Variants in HYAL4 observed in about 807,000 individuals in gnomAD.
The protein encoded by HYAL4 is hyaluronidase 4, also known as hyaluronidase-4.
In HYAL4, 37 loss-of-function variants were observed where a neutral mutation model predicts 35.2. That is an observed-to-expected ratio of 1.05 (90% CI 0.81 to 1.38). HYAL4 has a LOEUF of 1.38. HYAL4 is among the 40% of genes most tolerant of loss of function. The pLI is 0.00. For missense variants in HYAL4, 572 were observed against 572.4 expected (o/e 1.00, Z 0.01); for synonymous variants, 198 against 203.2 (o/e 0.97, Z 0.22).
At chr7:123,807,805 C>G in the HYAL4 span, among the ~76,000 whole-genome samples, 1 of 151,526 alleles carries the variant, frequency 6.6e-6, no homozygotes, top group Admixed American at 6.6e-5. Context: ...GATCATAGTT[C>G]GCGGTAGCCT....
chr7:123,860,104 C>A (rs1306326920), intron 2 of HYAL4, among the ~76,000 whole-genome samples: 1 of 152,168 alleles, frequency 6.6e-6, no homozygotes, highest in Admixed American at 6.6e-5. Flanking sequence ...CTCACAAGAT[C>A]TGATGGTTTT....
At chr7:123,835,827 C>G (rs1380480823) in intron 1 of HYAL4, among the ~76,000 whole-genome samples, 2 of 152,100 alleles carry the variant, frequency 1.3e-5, no homozygotes, top group African/African-American at 4.8e-5. Context: ...CTTTATTTCA[C>G]TGTTGACCCA....
At chr7:123,784,772 A>G in the HYAL4 span, among the ~76,000 whole-genome samples, 6 of 152,188 alleles carry the variant, frequency 3.9e-5, no homozygotes, top group African/African-American at 7.2e-5. Flanking sequence ...CACCACCACT[A>G]CCAATTCCAC....
the HYAL4 span, among the ~76,000 whole-genome samples, chr7:123,774,063 C>T: frequency 1.3e-5 from 2 of 151,594 alleles, no homozygotes; most frequent in African/African-American, 2.4e-5. Flanking sequence ...GTTCTGTTGC[C>T]CATGCTGTAG....
chr7:123,824,490 G>A (rs906757823), upstream of HYAL4, among the ~76,000 whole-genome samples: 3 of 152,048 alleles, frequency 2.0e-5, no homozygotes, highest in Non-Finnish European at 1.5e-5. Context: ...TTTTGATACG[G>A]CTGCCATTTA....
intron 1 of HYAL4, among the ~76,000 whole-genome samples, chr7:123,846,421 G>C (rs576018468): frequency 6.6e-5 from 10 of 152,158 alleles, no homozygotes; most frequent in African/African-American, 1.9e-4. Flanking sequence ...TGTCAGGGGA[G>C]TGAGGGAAAG....
At chr7:123,874,927 C>T in intron 4 of HYAL4, 77 bp downstream of exon 4, 2 of 824,226 alleles carry the variant, frequency 2.4e-6, no homozygotes, top group Non-Finnish European at 4.1e-6. Flanking sequence ...AGCTTAATGA[C>T]CTCCATAGCA....
chr7:123,812,531 A>G, the HYAL4 span, among the ~76,000 whole-genome samples: 3 of 152,210 alleles, frequency 2.0e-5, no homozygotes, highest in Non-Finnish European at 4.4e-5. Flanking sequence ...TATCATTTAT[A>G]TACATGGAAA....
the HYAL4 span, among the ~76,000 whole-genome samples, chr7:123,820,657 T>A: frequency 1.3e-5 from 2 of 152,154 alleles, no homozygotes; most frequent in African/African-American, 2.4e-5. Flanking sequence ...CTCTTAAATT[T>A]TGGAGTGCTT....
chr7:123,853,568 G>A (rs541501938), intron 2 of HYAL4, among the ~76,000 whole-genome samples: 3 of 152,256 alleles, frequency 2.0e-5, no homozygotes, highest in African/African-American at 7.2e-5. Context: ...TGCATCTCAG[G>A]GATGAAGCCA....
At chr7:123,804,875 T>C in the HYAL4 span, among the ~76,000 whole-genome samples, 3 of 152,330 alleles carry the variant, frequency 2.0e-5, no homozygotes, top group Non-Finnish European at 2.9e-5. Context: ...TGAATTCTTA[T>C]TGAGTATTTA....
At chr7:123,801,635 T>C in the HYAL4 span, among the ~76,000 whole-genome samples, 1 of 152,248 alleles carries the variant, frequency 6.6e-6, no homozygotes, top group South Asian at 2.1e-4. Flanking sequence ...ATTTATTTGA[T>C]TTCATCAATT....
intron 1 of HYAL4, among the ~76,000 whole-genome samples, chr7:123,829,666 C>T (rs1412595196): frequency 6.6e-6 from 1 of 152,020 alleles, no homozygotes; most frequent in East Asian, 1.9e-4. Context: ...AAGATCCCAT[C>T]TCTACAAAAA....
chr7:123,874,111 T>C (rs1806948896), intron 3 of HYAL4, among the ~76,000 whole-genome samples: 1 of 152,236 alleles, frequency 6.6e-6, no homozygotes, highest in Non-Finnish European at 1.5e-5. Context: ...CCAGGGCACA[T>C]ACATATGACC....
the HYAL4 span, among the ~76,000 whole-genome samples, chr7:123,800,528 A>T: frequency 6.6e-6 from 1 of 151,828 alleles, no homozygotes; most frequent in Non-Finnish European, 1.5e-5. Flanking sequence ...TTTGATAGCT[A>T]AAATATCAAA....
upstream of HYAL4, among the ~76,000 whole-genome samples, chr7:123,842,800 G>A (rs1363474361): frequency 6.6e-6 from 1 of 151,802 alleles, no homozygotes; most frequent in African/African-American, 2.4e-5. Context: ...GTCTGTTTTT[G>A]CAGAGACTAG....
intron 2 of HYAL4, among the ~76,000 whole-genome samples, chr7:123,860,979 G>A (rs1806564428): frequency 6.6e-6 from 1 of 152,128 alleles, no homozygotes; most frequent in Non-Finnish European, 1.5e-5. Context: ...CAGGACTGAG[G>A]CAAAATTTGA....
intron 3 of HYAL4, among the ~76,000 whole-genome samples, chr7:123,869,870 A>G (rs1480989703): frequency 7.4e-6 from 1 of 135,130 alleles, no homozygotes; most frequent in Non-Finnish European, 1.5e-5. Flanking sequence ...TTGTACTTTT[A>G]GTAAAGACGG....
the HYAL4 span, among the ~76,000 whole-genome samples, chr7:123,779,488 AAT>A: frequency 6.6e-6 from 1 of 150,842 alleles, no homozygotes; most frequent in African/African-American, 2.4e-5. Flanking sequence ...CAGGTGAAAT[AAT>A]ATGATGTCTG....
Sources: gnomAD v4.1 joint callset for allele counts (sites outside exome capture counted in the v4.1 genomes callset) on GRCh38, gnomAD v4.1.1 for gene constraint, MANE v1.5 for transcripts, NCBI Gene and HGNC (gene_info 2026-07-23, HGNC 2026-07-21) for gene names.